The following OR2L13 variants were observed in gnomAD, a reference collection of about 807,000 sequenced individuals.
The protein encoded by OR2L13 is olfactory receptor family 2 subfamily L member 13, also known as olfactory receptor 2L13.
A neutral mutation model predicts 15.3 loss-of-function variants in OR2L13; 14 were observed. That is an observed-to-expected ratio of 0.91 (90% CI 0.60 to 1.43). OR2L13 has a LOEUF of 1.43. Ranked by LOEUF, OR2L13 falls within the 40% of genes most tolerant of loss-of-function variation. The probability of loss-of-function intolerance (pLI) is 0.00; values close to 1 mark genes in which losing one functional copy is unlikely to be tolerated. For missense variants in OR2L13, 367 were observed against 387.9 expected (o/e 0.95, Z 0.45); for synonymous variants, 152 against 142.9 (o/e 1.06, Z -0.45).
At chr1:247,986,807 C>A in the OR2L13 span, among the ~76,000 whole-genome samples, 1 of 152,090 alleles carries the variant, frequency 6.6e-6, no homozygotes, top group African/African-American at 2.4e-5. Flanking sequence ...GTTTGTTGTT[C>A]TCCTTGTAGA....
the OR2L13 span, among the ~76,000 whole-genome samples, chr1:247,940,608 C>T: frequency 2.1e-4 from 32 of 152,222 alleles, no homozygotes; most frequent in Admixed American, 5.2e-4. Context: ...CCTTATCCAA[C>T]TCACTGTTGA....
chr1:248,084,464 G>C, the OR2L13 span: 1 of 1,608,446 alleles, frequency 6.2e-7, no homozygotes, highest in South Asian at 1.1e-5. Flanking sequence ...TGAATCAGGA[G>C]AATCATGAGG....
At chr1:248,060,426 G>A in the OR2L13 span, among the ~76,000 whole-genome samples, 1 of 152,108 alleles carries the variant, frequency 6.6e-6, no homozygotes, top group South Asian at 2.1e-4. Flanking sequence ...GACATAATTT[G>A]TATTATAGTA....
At chr1:247,943,402 A>G in the OR2L13 span, among the ~76,000 whole-genome samples, 16 of 152,102 alleles carry the variant, frequency 1.1e-4, no homozygotes, top group Non-Finnish European at 1.9e-4. Context: ...AACAAACCAC[A>G]AATGTACTCC....
chr1:247,959,584 C>A, the OR2L13 span, among the ~76,000 whole-genome samples: 1 of 151,928 alleles, frequency 6.6e-6, no homozygotes, highest in Admixed American at 6.6e-5. Context: ...GTACACCAAT[C>A]AGATGTAGAT....
At chr1:247,941,641 A>AAG in the OR2L13 span, among the ~76,000 whole-genome samples, 7 of 151,262 alleles carry the variant, frequency 4.6e-5, no homozygotes, top group Admixed American at 1.3e-4. Context: ...GATAGAGAAA[A>AAG]AGAGAGAGAG....
chr1:247,974,686 G>A, the OR2L13 span: 1 of 226,936 alleles, frequency 4.4e-6, no homozygotes, highest in African/African-American at 2.3e-5. Context: ...TGGATAAGGA[G>A]GAACTAATTC....
chr1:248,027,938 A>G, the OR2L13 span, among the ~76,000 whole-genome samples: 8 of 151,880 alleles, frequency 5.3e-5, no homozygotes, highest in Non-Finnish European at 1.2e-4. Context: ...CAGGAGATCA[A>G]GACCATCCTG....
At chr1:248,083,778 G>T in the OR2L13 span, 2 of 1,613,924 alleles carry the variant, frequency 1.2e-6, no homozygotes, top group Non-Finnish European at 1.7e-6. Context: ...ATAGAAGGCT[G>T]ACACAACCTT....
At chr1:248,049,754 T>C in the OR2L13 span, among the ~76,000 whole-genome samples, 1 of 152,220 alleles carries the variant, frequency 6.6e-6, no homozygotes, top group African/African-American at 2.4e-5. Flanking sequence ...TTCTATTATT[T>C]TTGTTTTGAC....
the OR2L13 span, among the ~76,000 whole-genome samples, chr1:247,944,615 A>G: frequency 6.6e-6 from 1 of 152,240 alleles, no homozygotes; most frequent in Middle Eastern, 3.4e-3. Flanking sequence ...AGCTCCATCC[A>G]TGTCCCTGCA....
the OR2L13 span, among the ~76,000 whole-genome samples, chr1:248,069,234 G>A: frequency 6.6e-6 from 1 of 152,114 alleles, no homozygotes; most frequent in Admixed American, 6.6e-5. Flanking sequence ...GAAAAGTCGG[G>A]TTACCCACAA....
At chr1:247,957,438 C>A in the OR2L13 span, among the ~76,000 whole-genome samples, 1 of 152,138 alleles carries the variant, frequency 6.6e-6, no homozygotes, top group Non-Finnish European at 1.5e-5. Flanking sequence ...GCTTTGGTAT[C>A]AGGATGATGC....
chr1:248,091,630 C>T (rs562833835), upstream of OR2L13, among the ~76,000 whole-genome samples: 4 of 151,888 alleles, frequency 2.6e-5, no homozygotes, highest in Non-Finnish European at 4.4e-5. Flanking sequence ...CATTCTGTTC[C>T]GTTGGTCTAT....
At chr1:248,079,539 C>T in the OR2L13 span, among the ~76,000 whole-genome samples, 2 of 152,056 alleles carry the variant, frequency 1.3e-5, no homozygotes, top group Non-Finnish European at 2.9e-5. Context: ...GATGATTATT[C>T]TACCTAATAT....
chr1:247,956,853 A>G, the OR2L13 span, among the ~76,000 whole-genome samples: 8 of 152,146 alleles, frequency 5.3e-5, no homozygotes, highest in African/African-American at 1.9e-4. Flanking sequence ...GGCTGAGACA[A>G]TGGCGTTTTC....
the OR2L13 span, among the ~76,000 whole-genome samples, chr1:247,964,745 CTT>C: frequency 6.6e-6 from 1 of 151,242 alleles, no homozygotes; most frequent in African/African-American, 2.4e-5. Flanking sequence ...TGTTCTTAAA[CTT>C]TTATCTTTTT....
At chr1:248,003,613 T>C in the OR2L13 span, 1 of 1,611,444 alleles carries the variant, frequency 6.2e-7, no homozygotes, top group African/African-American at 1.3e-5. Flanking sequence ...ACACTGTATA[T>C]ATACTCCATA....
At chr1:247,966,068 G>A in the OR2L13 span, 2 of 1,614,150 alleles carry the variant, frequency 1.2e-6, no homozygotes, top group South Asian at 2.2e-5. Context: ...ATGAGCTCAG[G>A]AAAAGGACAG....
Sources: gnomAD v4.1 joint callset for allele counts (sites outside exome capture counted in the v4.1 genomes callset) on GRCh38, gnomAD v4.1.1 for gene constraint, MANE v1.5 for transcripts, NCBI Gene and HGNC (gene_info 2026-07-23, HGNC 2026-07-21) for gene names.